The following PPARGC1B variants were observed in gnomAD, a reference collection of about 807,000 sequenced individuals.
The protein encoded by PPARGC1B is peroxisome proliferator-activated receptor gamma coactivator 1-beta.
Under a neutral mutation model 101.6 loss-of-function variants are expected in PPARGC1B, and 34 were observed. That is an observed-to-expected ratio of 0.33 (90% CI 0.25 to 0.45). PPARGC1B has a LOEUF of 0.45. Among genes scored for constraint, PPARGC1B ranks in the 20% least tolerant of loss-of-function variants. PPARGC1B has a pLI of 1.00. For missense variants in PPARGC1B, 1,234 were observed against 1,317.6 expected, an observed-to-expected ratio of 0.94 and a Z score of 0.98; for synonymous variants, 548 against 539.3, an observed-to-expected ratio of 1.02 and a Z score of -0.22.
chr5:149,778,339 G>T (rs1443903754), intron 1 of PPARGC1B, among the ~76,000 whole-genome samples: 1 of 152,006 alleles, frequency 6.6e-6, no homozygotes, highest in African/African-American at 2.4e-5. Context: ...GCAACTCCGT[G>T]ATGGGAGAAG....
At chr5:149,773,286 A>T (rs1756216118) in intron 1 of PPARGC1B, among the ~76,000 whole-genome samples, 1 of 152,224 alleles carries the variant, frequency 6.6e-6, no homozygotes, top group Admixed American at 6.5e-5. Flanking sequence ...GAGGAAACAA[A>T]GCTGTGCCTC....
intron 1 of PPARGC1B, among the ~76,000 whole-genome samples, chr5:149,801,116 T>G (rs931486763): frequency 6.6e-6 from 1 of 152,166 alleles, no homozygotes; most frequent in African/African-American, 2.4e-5. Context: ...GTGGGTGATA[T>G]GGGCACAAGG....
chr5:149,789,469 A>T (rs923325019), intron 1 of PPARGC1B, among the ~76,000 whole-genome samples: 8 of 152,228 alleles, frequency 5.3e-5, no homozygotes, highest in Non-Finnish European at 1.2e-4. Flanking sequence ...TCCTAGGAGG[A>T]TCAGATGAAA....
intron 1 of PPARGC1B, among the ~76,000 whole-genome samples, chr5:149,820,092 A>C (rs1317865375): frequency 6.6e-6 from 1 of 152,136 alleles, no homozygotes; most frequent in African/African-American, 2.4e-5. Flanking sequence ...ATAAGTGGGG[A>C]CATATGTGTA....
chr5:149,772,241 G>A (rs1401778255), intron 1 of PPARGC1B: 5 of 1,564,852 alleles, frequency 3.2e-6, no homozygotes, highest in Non-Finnish European at 4.3e-6. Context: ...GGAGGGTGTT[G>A]GGTAGACACA....
At chr5:149,731,314 T>C (rs569426262) in intron 1 of PPARGC1B, among the ~76,000 whole-genome samples, 92 of 152,276 alleles carry the variant, frequency 6.0e-4, no homozygotes, top group African/African-American at 2.1e-3. Context: ...CCACCAAAAA[T>C]GTCAGCACGA....
chr5:149,745,628 A>G (rs1474885875), intron 1 of PPARGC1B, among the ~76,000 whole-genome samples: 2 of 152,160 alleles, frequency 1.3e-5, no homozygotes, highest in East Asian at 3.8e-4. Context: ...GCCTCTTTAT[A>G]ATAATGCCCG....
intron 1 of PPARGC1B, among the ~76,000 whole-genome samples, chr5:149,814,554 A>G (rs1395034770): frequency 6.6e-6 from 1 of 152,144 alleles, no homozygotes; most frequent in Non-Finnish European, 1.5e-5. Context: ...CCAAGCTGTC[A>G]CTGCAGCCAC....
chr5:149,763,900 C>T (rs1158903306), intron 1 of PPARGC1B, among the ~76,000 whole-genome samples: 2 of 152,056 alleles, frequency 1.3e-5, no homozygotes, highest in Admixed American at 6.5e-5. Flanking sequence ...CCTCCCACCT[C>T]AGCCTTCCAA....
At chr5:149,787,498 A>G (rs1435616980) in intron 1 of PPARGC1B, among the ~76,000 whole-genome samples, 1 of 152,246 alleles carries the variant, frequency 6.6e-6, no homozygotes, top group African/African-American at 2.4e-5. Flanking sequence ...ATTACCTACC[A>G]TACCTTTTGC....
chr5:149,778,851 C>A (rs1756490915), intron 1 of PPARGC1B, among the ~76,000 whole-genome samples: 1 of 152,090 alleles, frequency 6.6e-6, no homozygotes, highest in Non-Finnish European at 1.5e-5. Flanking sequence ...TGTGTGTAGT[C>A]ATAAAACCAT....
chr5:149,829,604 T>C (rs1758662805), intron 3 of PPARGC1B, among the ~76,000 whole-genome samples: 1 of 152,008 alleles, frequency 6.6e-6, no homozygotes, highest in Non-Finnish European at 1.5e-5. Flanking sequence ...TCTAGATGTA[T>C]TCAACTTCCT....
At chr5:149,731,574 G>C (rs749296535) in intron 1 of PPARGC1B, among the ~76,000 whole-genome samples, 1 of 151,810 alleles carries the variant, frequency 6.6e-6, no homozygotes, top group Non-Finnish European at 1.5e-5. Flanking sequence ...GAGCGCCGGT[G>C]CCGGCCCGTT....
rs372077618 is a variant in PPARGC1B at position 149,832,524 on chromosome 5, C to T, written c.583-132C>T. 2.9e-5 allele frequency: 21 copies of T among 723,970 alleles called. No individual in the cohort carries two copies. The highest frequency in any genetic ancestry group is 5.5e-5 in the East Asian group (2 of 36,640). The allele number at this position is 723,970 out of a possible 1,614,324, so 44.8% of individuals were successfully genotyped here. On this transcript the variant is annotated intron_variant, in intron 4 of 11. Transcript: ENST00000309241. The surrounding 1 kb of genome is among the most constrained non-coding windows in gnomAD (Gnocchi z 4.9). Reference sequence around the variant, plus strand: ...CCGGCTCTGTGTGGGAAGCTGGGGACGGAATGAAGGAAACCTGGCTGTTCC... The same window carrying T: ...CCGGCTCTGTGTGGGAAGCTGGGGATGGAATGAAGGAAACCTGGCTGTTCC...
rs10712476 is a variant in PPARGC1B, at chr5:149,765,860, CAA to C, written c.78+35461_78+35462del. Among the ~76,000 whole-genome samples the C allele has an allele frequency of 9.5e-3, 847 of 88,824 alleles. 2 individuals carry two copies. Among genetic ancestry groups the C allele is most frequent in the South Asian group, 0.039 (94 of 2,382 alleles). 58.3% of individuals were successfully genotyped at this position (88,824 alleles called of 152,430 possible). On this transcript the variant is annotated intron_variant, in intron 1 of 11. Coordinates refer to ENST00000309241, the MANE Select transcript of PPARGC1B (RefSeq NM_133263.4). ...TGGGTGACAGAGTGAGACTCCGTCT[CAA>C]AAAAAAAAAAAAAAAAAAAATGGAG...
intron 1 of PPARGC1B, among the ~76,000 whole-genome samples, chr5:149,774,497 C>A (rs1243932499): frequency 1.3e-5 from 2 of 152,022 alleles, no homozygotes; most frequent in African/African-American, 4.8e-5. Flanking sequence ...GCTTCTGGTC[C>A]CACGATGACC....
Position 149,850,020 on chromosome 5 carries a change from C to T in PPARGC1B, c.*2462C>T, listed in dbSNP as rs148264096. 1.2e-4 allele frequency: 18 copies of T among 152,338 alleles called. No individual in the cohort carries two copies. The highest frequency in any genetic ancestry group is 4.3e-4 in the African/African-American group (18 of 41,580). The allele number at this position is 152,338 out of a possible 1,614,324, so 9.4% of individuals were successfully genotyped here. ...CTCCACTAAGTTAAGTCCTGATTTA[C>T]ATCAAGGAGAGAACTGAGATAGGAA... On this transcript the variant is annotated 3_prime_UTR_variant, in exon 12 of 12. Coordinates refer to ENST00000309241, the MANE Select transcript of PPARGC1B (RefSeq NM_133263.4).
chr5:149,739,245 T>C (rs887429848), intron 1 of PPARGC1B, among the ~76,000 whole-genome samples: 1 of 152,240 alleles, frequency 6.6e-6, no homozygotes, highest in Non-Finnish European at 1.5e-5. Context: ...TCCATCTCCA[T>C]GTACAAGACG....
chr5:149,779,913 T>A (rs1756532050), intron 1 of PPARGC1B, among the ~76,000 whole-genome samples: 1 of 152,172 alleles, frequency 6.6e-6, no homozygotes, highest in Non-Finnish European at 1.5e-5. Flanking sequence ...CCCAGCCCCT[T>A]CCCCTGGCCT....
Sources: gnomAD v4.1 joint callset for allele counts (sites outside exome capture counted in the v4.1 genomes callset) on GRCh38, gnomAD v4.1.1 for gene constraint, Gnocchi (gnomAD v3.1) non-coding constraint, MANE v1.5 for transcripts, NCBI Gene and HGNC (gene_info 2026-07-23, HGNC 2026-07-21) for gene names.